The following MTHFD1 variants were observed in gnomAD, a reference collection of about 807,000 sequenced individuals.
The protein encoded by MTHFD1 is C-1-tetrahydrofolate synthase, cytoplasmic.
In MTHFD1, 44 loss-of-function variants were observed where a neutral mutation model predicts 110.3. The ratio of observed to expected loss-of-function variants is 0.40; its 90% confidence interval spans 0.31 to 0.51. The LOEUF (loss-of-function observed/expected upper bound fraction) is 0.51, where lower values mean the gene tolerates loss of function less well. MTHFD1 is among the 20% of genes least tolerant of loss of function. MTHFD1 has a pLI of 0.60. For missense variants in MTHFD1, 909 were observed against 1,173.1 expected (o/e 0.77, Z 3.29); for synonymous variants, 402 against 428.8 (o/e 0.94, Z 0.77).
At chr14:64,446,345 G>A (rs1337037741) in intron 22 of MTHFD1, among the ~76,000 whole-genome samples, 3 of 152,154 alleles carry the variant, frequency 2.0e-5, no homozygotes, top group African/African-American at 4.8e-5. Flanking sequence ...ACACAGATGG[G>A]TCTCACTTTC....
At chr14:64,396,110 A>G (rs2077846509) in intron 1 of MTHFD1, among the ~76,000 whole-genome samples, 1 of 152,150 alleles carries the variant, frequency 6.6e-6, no homozygotes, top group East Asian at 1.9e-4. Flanking sequence ...CAAATTTGGT[A>G]AATGTCTGGG....
intron 8 of MTHFD1, among the ~76,000 whole-genome samples, chr14:64,423,956 T>G (rs2078097561): frequency 6.6e-6 from 1 of 151,344 alleles, no homozygotes; most frequent in Non-Finnish European, 1.5e-5. Flanking sequence ...CTTGATCTCC[T>G]GATCTGGTGA....
chr14:64,449,289 A>G, intron 23 of MTHFD1, 156 bp from the exon 24 acceptor site: 2 of 789,158 alleles, frequency 2.5e-6, no homozygotes, highest in Non-Finnish European at 4.3e-6. Flanking sequence ...GTCACCAGCT[A>G]GTAAGTTTCG....
At chr14:64,406,332 C>T (rs1423569655) in intron 2 of MTHFD1, among the ~76,000 whole-genome samples, 1 of 151,888 alleles carries the variant, frequency 6.6e-6, no homozygotes, top group Admixed American at 6.5e-5. Flanking sequence ...AGCCACTGCT[C>T]CCGGCCAATT....
chr14:64,457,950 G>A (rs909721039), intron 26 of MTHFD1: 12 of 557,076 alleles, frequency 2.2e-5, no homozygotes, highest in Admixed American at 9.2e-5. Context: ...CCAGGCAATC[G>A]GATGATCATG....
At chr14:64,441,097 C>T (rs2078243440) in intron 18 of MTHFD1, 2 of 383,738 alleles carry the variant, frequency 5.2e-6, no homozygotes, top group African/African-American at 2.1e-5. Flanking sequence ...GAGGCTGAGG[C>T]AGGAGAATGG....
At chr14:64,441,035 C>G in intron 18 of MTHFD1, 2 of 343,738 alleles carry the variant, frequency 5.8e-6, no homozygotes, top group Non-Finnish European at 1.1e-5. Context: ...ACTAAAAATA[C>G]AAAAAAATTA....
At chr14:64,398,414 G>T (rs2077873607) in intron 1 of MTHFD1, among the ~76,000 whole-genome samples, 2 of 152,228 alleles carry the variant, frequency 1.3e-5, no homozygotes, top group Admixed American at 1.3e-4. Context: ...AAGTGTGGTG[G>T]TGTGCACCTG....
intron 8 of MTHFD1, among the ~76,000 whole-genome samples, chr14:64,420,861 G>A (rs377208996): frequency 1.5e-4 from 23 of 152,234 alleles, no homozygotes; most frequent in African/African-American, 2.2e-4. Context: ...CGCATGCCTC[G>A]TTTGCCCTTT....
rs1296877911 is a variant in MTHFD1, at chr14:64,440,160, T to C, written c.1709T>C (p.Met570Thr). Residue 570 changes from methionine to threonine, a missense_variant, in exon 18 of 28, where the codon ATG becomes ACG. This residue lies in a region of MTHFD1 where 482 missense variants were observed against 646.0 expected (regional missense o/e 0.75). Coordinates refer to ENST00000652337, the MANE Select transcript of MTHFD1 (RefSeq NM_005956.4). ...QFDISVASEI[M>T]AVLALTTSLE... ...GATATCTCTGTGGCCAGTGAAATTATGGCTGTCCTGGCTCTCACCACTTCT... is the reference window on the plus strand; with the variant it reads ...GATATCTCTGTGGCCAGTGAAATTACGGCTGTCCTGGCTCTCACCACTTCT... 1.2e-6 allele frequency: 2 copies of C among 1,614,072 alleles called. No homozygotes were observed. The highest frequency in any genetic ancestry group is 1.7e-5 in the Admixed American group (1 of 60,016).
rs747867576 is a variant in MTHFD1, at chr14:64,448,255, G to A, written c.2217G>A (p.Lys739=). The change falls in exon 23 of 28, where the codon AAG becomes AAA. Residue 739 remains lysine (K), a synonymous_variant. Transcript: ENST00000652337. The stretch of plus-strand genomic sequence containing the variant: ...TTGAAAAAGGCTTCAGTAACTTGAA[G>A]AAACAAATTGAAAATGCCAGAATGT... ...ELVEKGFSNL[K]KQIENARMFG... is the part of the protein sequence containing the mutation. 2.5e-6 allele frequency: 4 copies of A among 1,614,176 alleles called. No individual in the cohort carries two copies. In the South Asian group the frequency reaches 4.4e-5, roughly 18 times the overall value.
At chr14:64,402,301 C>T (rs768850636) in intron 2 of MTHFD1, among the ~76,000 whole-genome samples, 1 of 152,124 alleles carries the variant, frequency 6.6e-6, no homozygotes, top group South Asian at 2.1e-4. Flanking sequence ...TTTCATTATG[C>T]AATATGAAAG....
At chr14:64,435,142 G>C (rs183437665) in intron 15 of MTHFD1, among the ~76,000 whole-genome samples, 62 of 151,620 alleles carry the variant, frequency 4.1e-4, no homozygotes, top group Admixed American at 3.4e-3. Context: ...GTAGAGACAG[G>C]GTTTCACCGT....
intron 1 of MTHFD1, chr14:64,388,806 C>T (rs1206972245): frequency 4.1e-6 from 2 of 493,510 alleles, no homozygotes; most frequent in Non-Finnish European, 7.3e-6. Flanking sequence ...ATCCAATCTA[C>T]TTAATTCCCG....
chr14:64,441,375 T>G lies in MTHFD1; in HGVS notation c.1816-10T>G, dbSNP rs752925653. The G allele has an allele frequency of 5.6e-6, 9 of 1,613,828 alleles. No homozygotes were observed. The highest frequency in any genetic ancestry group is 7.6e-6 in the Non-Finnish European group (9 of 1,179,900). On this transcript the variant is annotated splice_polypyrimidine_tract_variant and intron_variant, in intron 18 of 27. Transcript: ENST00000652337. ...GGTGGGAGTTGATGCTGCACACATTTGTTTTGTAGGGGGTGAGTGGTGCAC... is the reference window on the plus strand; with the variant it reads ...GGTGGGAGTTGATGCTGCACACATTGGTTTTGTAGGGGGTGAGTGGTGCAC...
intron 24 of MTHFD1, 131 bp downstream of exon 24, chr14:64,449,753 C>G: frequency 1.9e-6 from 2 of 1,032,068 alleles, no homozygotes; most frequent in Non-Finnish European, 2.9e-6. Context: ...ACGTAGGTGA[C>G]TTACACAACC....
At chr14:64,412,442 A>G in intron 3 of MTHFD1, 30 bp from the exon 4 acceptor site, 1 of 1,577,528 alleles carries the variant, frequency 6.3e-7, no homozygotes, top group Non-Finnish European at 8.7e-7. Context: ...TTGTCTTGCC[A>G]TTTACCTGCT....
At chr14:64,410,414 G>A (rs1300483303) in intron 2 of MTHFD1, among the ~76,000 whole-genome samples, 1 of 151,442 alleles carries the variant, frequency 6.6e-6, no homozygotes, top group African/African-American at 2.4e-5. Context: ...AGATGGGGGG[G>A]GGGGTCTCAC....
chr14:64,431,425 T>C, intron 13 of MTHFD1, 107 bp from the exon 14 acceptor site: 3 of 927,590 alleles, frequency 3.2e-6, no homozygotes, highest in Non-Finnish European at 3.4e-6. Context: ...CTGGGCTGCC[T>C]TCAGTATTCC....
Sources: gnomAD v4.1 joint callset for allele counts (sites outside exome capture counted in the v4.1 genomes callset) on GRCh38, gnomAD v4.1.1 for gene constraint, gnomAD v4.1.1 regional missense constraint, MANE v1.5 for transcripts, NCBI Gene and HGNC (gene_info 2026-07-23, HGNC 2026-07-21) for gene names.